The following ASIC2 variants were observed in gnomAD, a reference collection of about 807,000 sequenced individuals.
ASIC2 encodes acid-sensing ion channel 2.
Under a neutral mutation model 57.3 loss-of-function variants are expected in ASIC2, and 25 were observed. The ratio of observed to expected loss-of-function variants is 0.44; its 90% confidence interval spans 0.32 to 0.61. ASIC2 has a LOEUF of 0.61. Among genes scored for constraint, ASIC2 ranks in the 20% least tolerant of loss-of-function variants. The pLI is 0.06. For synonymous variants in ASIC2, 319 were observed against 307.5 expected (o/e 1.04, Z -0.39); for missense variants, 641 against 738.1 (o/e 0.87, Z 1.52).
At chr17:33,175,424 T>C (rs1905711054) in intron 1 of ASIC2, among the ~76,000 whole-genome samples, 1 of 152,166 alleles carries the variant, frequency 6.6e-6, no homozygotes, top group African/African-American at 2.4e-5. Context: ...CATCACTTTA[T>C]TTTTAAAAGC....
intron 1 of ASIC2, among the ~76,000 whole-genome samples, chr17:34,031,857 G>C (rs1466137766): frequency 6.6e-6 from 1 of 152,166 alleles, no homozygotes; most frequent in African/African-American, 2.4e-5. Context: ...ACTTATGGCA[G>C]TATGTGGAAA....
At chr17:33,436,425 T>C (rs894797271) in intron 1 of ASIC2, among the ~76,000 whole-genome samples, 2 of 152,206 alleles carry the variant, frequency 1.3e-5, no homozygotes, top group African/African-American at 4.8e-5. Flanking sequence ...GATTGGTCAT[T>C]TGAGATGTTT....
At chr17:33,520,337 T>C (rs547137300) in intron 1 of ASIC2, among the ~76,000 whole-genome samples, 6 of 152,342 alleles carry the variant, frequency 3.9e-5, no homozygotes, top group African/African-American at 1.4e-4. Flanking sequence ...CATTCTTGTG[T>C]CTGCACCTGC....
intron 1 of ASIC2, among the ~76,000 whole-genome samples, chr17:34,088,220 G>T (rs1322551989): frequency 2.6e-5 from 4 of 152,104 alleles, no homozygotes; most frequent in African/African-American, 9.7e-5. Flanking sequence ...TGGGTTTTTG[G>T]TGTGGATGTC....
intron 1 of ASIC2, among the ~76,000 whole-genome samples, chr17:33,162,907 T>A (rs930452832): frequency 1.3e-5 from 2 of 152,232 alleles, no homozygotes; most frequent in African/African-American, 4.8e-5. Flanking sequence ...TTTCTGGCAA[T>A]TTTGTAAGCA....
Position 34,156,327 on chromosome 17 carries a change from GAGA to G in ASIC2, c.203_205del (p.Phe68del). 6.2e-7 allele frequency: 1 copy of G among 1,614,212 alleles called. No individual in the cohort carries two copies. Among genetic ancestry groups the G allele is most frequent in the Non-Finnish European group, 8.5e-7 (1 of 1,180,044 alleles). On this transcript the variant is annotated inframe_deletion, in exon 1 of 10. Transcript: ENST00000359872. The surrounding 1 kb of genome is among the most constrained non-coding windows in gnomAD (Gnocchi z 4.4). Reference sequence around the variant, plus strand: ...GTCCACCTTAGTGACATGCTGGTAGGAGAAGTAGTAGGACACCCTCTCAGAGCT... The same window carrying G: ...GTCCACCTTAGTGACATGCTGGTAGGAGTAGTAGGACACCCTCTCAGAGCT...
rs989763795 is a variant in ASIC2 at position 33,894,347 on chromosome 17, G to A, written c.555+261631C>T. 1.9e-3 allele frequency among the ~76,000 whole-genome samples: 215 copies of A among 112,678 alleles called. 2 individuals are homozygous for A. The highest frequency in any genetic ancestry group is 4.0e-3 in the African/African-American group (96 of 24,220). 73.9% of individuals were successfully genotyped at this position (112,678 alleles called of 152,430 possible). ...AAGCTCTGCGTGCGTGCGTGCGTGC[G>A]TGCGTGTGTGTGTGTGTGTGTGTGT... On this transcript the variant is annotated intron_variant, in intron 1 of 9. Coordinates refer to the ASIC2 transcript ENST00000359872.
rs2091941142 is a variant in ASIC2 at position 33,044,155 on chromosome 17, G to A, written c.988-15763C>T. Among the ~76,000 whole-genome samples the A allele has an allele frequency of 2.6e-5, 4 of 151,804 alleles. No individual in the cohort carries two copies. In the South Asian group the frequency reaches 6.2e-4, roughly 24 times the overall value. ...TCTAGATATGCCTCTGGAGCTCTGCGAGAATCCTTTAAGCTTTGATGTCAT... is the reference window on the plus strand; with the variant it reads ...TCTAGATATGCCTCTGGAGCTCTGCAAGAATCCTTTAAGCTTTGATGTCAT... On this transcript the variant is annotated intron_variant, in intron 3 of 9. Coordinates refer to ENST00000225823, the MANE Select transcript of ASIC2 (RefSeq NM_183377.2).
chr17:33,322,540 T>G (rs906327635), intron 1 of ASIC2, among the ~76,000 whole-genome samples: 1 of 152,186 alleles, frequency 6.6e-6, no homozygotes, highest in African/African-American at 2.4e-5. Flanking sequence ...TCAATAAACT[T>G]AACAACCAGT....
intron 1 of ASIC2, among the ~76,000 whole-genome samples, chr17:33,914,068 C>T (rs778615904): frequency 2.0e-5 from 3 of 152,096 alleles, no homozygotes; most frequent in Non-Finnish European, 4.4e-5. Flanking sequence ...GGAAAGGGGG[C>T]GTAGAGTAGA....
chr17:34,009,122 T>G (rs2142020014), intron 1 of ASIC2, among the ~76,000 whole-genome samples: 1 of 152,306 alleles, frequency 6.6e-6, no homozygotes, highest in Admixed American at 6.5e-5. Context: ...GTTTTATCAT[T>G]TCTCAGAATA....
chr17:33,129,459 T>C (rs1001629622), intron 1 of ASIC2, among the ~76,000 whole-genome samples: 1 of 152,224 alleles, frequency 6.6e-6, no homozygotes, highest in African/African-American at 2.4e-5. Flanking sequence ...AACAGACATA[T>C]TCTTTCTTGT....
intron 1 of ASIC2, among the ~76,000 whole-genome samples, chr17:33,988,040 C>A (rs769425030): frequency 2.0e-5 from 3 of 152,136 alleles, no homozygotes; most frequent in Non-Finnish European, 4.4e-5. Context: ...GAAGTGGCAT[C>A]TGGAGTGAGA....
At chr17:33,607,878 G>A (rs1382917443) in intron 1 of ASIC2, among the ~76,000 whole-genome samples, 1 of 152,148 alleles carries the variant, frequency 6.6e-6, no homozygotes, top group African/African-American at 2.4e-5. Context: ...ACCCTAATAG[G>A]AACTTCTGGA....
intron 1 of ASIC2, among the ~76,000 whole-genome samples, chr17:33,755,385 T>G (rs1299517709): frequency 1.3e-5 from 2 of 152,218 alleles, no homozygotes; most frequent in Non-Finnish European, 2.9e-5. Context: ...TTAAAGCCTC[T>G]CAGTTCCTGA....
intron 1 of ASIC2, among the ~76,000 whole-genome samples, chr17:33,358,515 A>G (rs1908475195): frequency 6.6e-6 from 1 of 152,206 alleles, no homozygotes; most frequent in Non-Finnish European, 1.5e-5. Context: ...CATTTATTGG[A>G]TGCTCTCAAA....
chr17:33,813,497 C>T (rs1480579756), intron 1 of ASIC2, among the ~76,000 whole-genome samples: 3 of 152,204 alleles, frequency 2.0e-5, no homozygotes, highest in East Asian at 1.9e-4. Context: ...AGTGCAGTGG[C>T]ACAATCTTGG....
At chr17:33,398,054 T>C (rs1910143151) in intron 1 of ASIC2, among the ~76,000 whole-genome samples, 1 of 152,182 alleles carries the variant, frequency 6.6e-6, no homozygotes, top group Non-Finnish European at 1.5e-5. Context: ...GGGAGATGCC[T>C]CTGTCTATTC....
At chr17:33,520,435 G>T (rs1363420600) in intron 1 of ASIC2, among the ~76,000 whole-genome samples, 3 of 152,206 alleles carry the variant, frequency 2.0e-5, no homozygotes, top group Admixed American at 6.5e-5. Flanking sequence ...GTGGTTAACT[G>T]GGAGGTTGTA....
Sources: allele counts gnomAD v4.1 joint callset (sites outside exome capture counted in the v4.1 genomes callset), GRCh38; gene constraint gnomAD v4.1.1; non-coding constraint Gnocchi (gnomAD v3.1); transcripts MANE v1.5; gene names NCBI Gene and HGNC (gene_info 2026-07-23, HGNC 2026-07-21).